FBXO4: variants seen among roughly 807,000 people sequenced by gnomAD.
The protein encoded by FBXO4 is F-box only protein 4.
Under a neutral mutation model 43.7 loss-of-function variants are expected in FBXO4, and 36 were observed. The observed-to-expected ratio is 0.82, with a 90% CI of 0.63 to 1.09. FBXO4 has a LOEUF of 1.09. Among genes scored for constraint, FBXO4 ranks in the 50% least tolerant of loss-of-function variants. The probability of loss-of-function intolerance (pLI) is 0.00; values close to 1 mark genes in which losing one functional copy is unlikely to be tolerated. For missense variants in FBXO4, 435 were observed against 474.1 expected (o/e 0.92, Z 0.77); for synonymous variants, 180 against 165.6 (o/e 1.09, Z -0.67).
the FBXO4 span, among the ~76,000 whole-genome samples, chr5:42,016,564 T>C: frequency 6.6e-6 from 1 of 151,978 alleles, no homozygotes; most frequent in Non-Finnish European, 1.5e-5. Flanking sequence ...TTTTTTATAA[T>C]TTTAAATAAA....
At chr5:41,951,981 G>C in the FBXO4 span, 4 of 330,760 alleles carry the variant, frequency 1.2e-5, no homozygotes, top group South Asian at 1.3e-4. Context: ...GACATCAGCA[G>C]GGTTTCCAAT....
Position 41,927,019 on chromosome 5 carries a change from G to T in FBXO4, c.196G>T (p.Val66Leu). The change falls in exon 2 of 7, where the codon GTA becomes TTA. Residue 66 changes from valine to leucine, a missense_variant. Coordinates refer to ENST00000281623, the MANE Select transcript of FBXO4 (RefSeq NM_012176.3). ...CTGCTTTCTTCTGTTTCAGATTGAT[G>T]TACAGCTATATATTTTGTCCTTTCT... is the stretch of plus-strand genomic sequence containing the variant. ...ASTLTRLPID[V>L]QLYILSFLSP... 6.3e-7 allele frequency: 1 copy of T among 1,594,664 alleles called. No individual in the cohort carries two copies. The highest frequency in any genetic ancestry group is 1.1e-5 in the South Asian group (1 of 87,624).
At chr5:41,992,052 TCAGCAA>T in the FBXO4 span, among the ~76,000 whole-genome samples, 2 of 152,302 alleles carry the variant, frequency 1.3e-5, no homozygotes, top group East Asian at 3.9e-4. Context: ...CACTCCAGCC[TCAGCAA>T]CAGGAGCAAA....
chr5:41,968,050 T>C, the FBXO4 span: 1 of 378,370 alleles, frequency 2.6e-6, no homozygotes, highest in Non-Finnish European at 5.4e-6. Flanking sequence ...CTTGATCCAC[T>C]GGGCCAGTTT....
the FBXO4 span, among the ~76,000 whole-genome samples, chr5:41,989,374 C>T: frequency 1.3e-5 from 2 of 152,006 alleles, no homozygotes; most frequent in Non-Finnish European, 2.9e-5. Context: ...TAATTCAGAA[C>T]TTAGCATAGA....
chr5:41,955,373 T>C, the FBXO4 span, among the ~76,000 whole-genome samples: 1 of 151,970 alleles, frequency 6.6e-6, no homozygotes, highest in Admixed American at 6.6e-5. Context: ...AGATGAAGGG[T>C]AAATTTGGAG....
At chr5:41,956,655 T>C in the FBXO4 span, among the ~76,000 whole-genome samples, 2 of 151,986 alleles carry the variant, frequency 1.3e-5, no homozygotes, top group Non-Finnish European at 2.9e-5. Context: ...CAATTTTTTT[T>C]CTGATAAGAA....
rs1409113055 is a variant in FBXO4, at chr5:41,929,912, T to G, written c.641T>G (p.Ile214Ser). 1.2e-6 allele frequency: 2 copies of G among 1,603,910 alleles called. No individual in the cohort carries two copies. Among genetic ancestry groups the G allele is most frequent in the African/African-American group, 2.7e-5 (2 of 74,524 alleles). Residue 214 changes from isoleucine to serine, a missense_variant, in exon 3 of 7, where the codon ATT (isoleucine) becomes AGT (serine). By Grantham distance (142) the Ile-to-Ser change is moderately radical. Coordinates refer to ENST00000281623, the MANE Select transcript of FBXO4 (RefSeq NM_012176.3). ...CPTAGLPQRQ[I>S]DGIGSGVNFQ... is the part of the protein sequence containing the mutation. ...ACAGCTGGTTTGCCTCAGAGGCAGATTGATGGTAATTTTCATGTTAATCTA... is the reference window on the plus strand; with the variant it reads ...ACAGCTGGTTTGCCTCAGAGGCAGAGTGATGGTAATTTTCATGTTAATCTA...
At chr5:41,935,181 T>C in intron 5 of FBXO4, 5 of 974,382 alleles carry the variant, frequency 5.1e-6, no homozygotes, top group Non-Finnish European at 6.1e-6. Flanking sequence ...CCTACTTTTA[T>C]CTAGTTTTCC....
At chr5:41,989,380 A>G in the FBXO4 span, among the ~76,000 whole-genome samples, 2 of 152,162 alleles carry the variant, frequency 1.3e-5, no homozygotes, top group Non-Finnish European at 2.9e-5. Flanking sequence ...AGAACTTAGC[A>G]TAGAACTTGG....
chr5:41,993,822 G>A, the FBXO4 span, among the ~76,000 whole-genome samples: 1 of 151,974 alleles, frequency 6.6e-6, no homozygotes, highest in South Asian at 2.1e-4. Context: ...TGGGAGAAAG[G>A]TGTAGGCTAG....
the FBXO4 span, among the ~76,000 whole-genome samples, chr5:41,980,113 G>A: frequency 6.6e-6 from 1 of 152,130 alleles, no homozygotes; most frequent in African/African-American, 2.4e-5. Flanking sequence ...TTTAATTCCA[G>A]TCTTTTTAGG....
the FBXO4 span, among the ~76,000 whole-genome samples, chr5:41,968,903 A>AT: frequency 1.3e-5 from 2 of 152,092 alleles, no homozygotes; most frequent in Non-Finnish European, 2.9e-5. Flanking sequence ...ACATCTTATG[A>AT]TTTTATGAAT....
At chr5:41,944,564 A>G (rs1752050143), downstream of FBXO4, among the ~76,000 whole-genome samples, 2 of 152,232 alleles carry the variant, frequency 1.3e-5, no homozygotes, top group South Asian at 4.1e-4. Context: ...AATTATTCCT[A>G]AATAAGTCAG....
chr5:41,999,495 A>G, the FBXO4 span, among the ~76,000 whole-genome samples: 22 of 54,940 alleles, frequency 4.0e-4, no homozygotes, highest in African/African-American at 1.6e-3. Flanking sequence ...ATATATATAC[A>G]TATATATATG....
At chr5:41,999,478 C>CATATATATAT in the FBXO4 span, among the ~76,000 whole-genome samples, 347 of 27,862 alleles carry the variant, frequency 0.012, 7 homozygotes, top group African/African-American at 0.024. Flanking sequence ...TATATATATA[C>CATATATATAT]ACATATATAT....
chr5:41,960,099 G>A, the FBXO4 span, among the ~76,000 whole-genome samples: 1 of 151,874 alleles, frequency 6.6e-6, no homozygotes, highest in African/African-American at 2.4e-5. Flanking sequence ...ATATCCCTAA[G>A]TATTTTATTT....
chr5:41,946,904 A>G, the FBXO4 span, among the ~76,000 whole-genome samples: 1,063 of 152,352 alleles, frequency 7.0e-3, 4 homozygotes, highest in African/African-American at 0.016. Context: ...GATTTCAAGT[A>G]TAGCCACAAT....
the FBXO4 span, among the ~76,000 whole-genome samples, chr5:42,020,665 CT>C: frequency 6.6e-6 from 1 of 152,190 alleles, no homozygotes; most frequent in African/African-American, 2.4e-5. Flanking sequence ...GTACATCCAG[CT>C]TTCTGTTTGC....
Sources: gnomAD v4.1 joint callset for allele counts (sites outside exome capture counted in the v4.1 genomes callset) on GRCh38, gnomAD v4.1.1 for gene constraint, MANE v1.5 for transcripts, NCBI Gene and HGNC (gene_info 2026-07-23, HGNC 2026-07-21) for gene names.